KCNQ3: variants seen among roughly 807,000 people sequenced by gnomAD.
KCNQ3 encodes potassium voltage-gated channel subfamily Q member 3.
KCNQ3 carries 30 observed loss-of-function variants against 92.5 expected under a neutral mutation model. The observed-to-expected ratio is 0.32, with a 90% CI of 0.24 to 0.44. The LOEUF is 0.44. Ranked by LOEUF, KCNQ3 falls within the 20% of genes least tolerant of loss-of-function variation. KCNQ3 has a pLI of 1.00. For synonymous variants in KCNQ3, 450 were observed against 468.8 expected (o/e 0.96, Z 0.52); for missense variants, 913 against 1,140.3 (o/e 0.80, Z 2.87).
At chr8:132,171,259 G>C (rs931607696) in intron 7 of KCNQ3, among the ~76,000 whole-genome samples, 27 of 152,174 alleles carry the variant, frequency 1.8e-4, no homozygotes, top group Middle Eastern at 3.4e-3. Flanking sequence ...AACTGGGACA[G>C]GCCTAGGAAC....
At chr8:132,442,066 G>A (rs766120014) in intron 1 of KCNQ3, among the ~76,000 whole-genome samples, 4 of 152,114 alleles carry the variant, frequency 2.6e-5, no homozygotes, top group Non-Finnish European at 4.4e-5. Flanking sequence ...CATACACTGC[G>A]GTCTTTCAGA....
At chr8:132,248,674 G>C (rs1208498107) in intron 1 of KCNQ3, among the ~76,000 whole-genome samples, 1 of 152,120 alleles carries the variant, frequency 6.6e-6, no homozygotes, top group African/African-American at 2.4e-5. Context: ...GGTTCACCTG[G>C]GGCTGCACCT....
intron 1 of KCNQ3, among the ~76,000 whole-genome samples, chr8:132,227,257 T>C (rs1451437592): frequency 2.0e-5 from 3 of 152,032 alleles, no homozygotes; most frequent in African/African-American, 7.2e-5. Context: ...AGACGGGGTT[T>C]CACCATGTTG....
At chr8:132,425,567 C>A (rs887444580) in intron 1 of KCNQ3, among the ~76,000 whole-genome samples, 3 of 152,062 alleles carry the variant, frequency 2.0e-5, no homozygotes, top group African/African-American at 7.2e-5. Flanking sequence ...TTTTTTAAAT[C>A]AATGTTATAT....
intron 1 of KCNQ3, among the ~76,000 whole-genome samples, chr8:132,339,480 A>T (rs16904660): frequency 0.011 from 1,744 of 152,312 alleles, 23 homozygotes; most frequent in African/African-American, 0.038. Context: ...TTAAAAAAAA[A>T]CAAAATGCAC....
chr8:132,471,683 A>G (rs1409057879), intron 1 of KCNQ3, among the ~76,000 whole-genome samples: 1 of 152,174 alleles, frequency 6.6e-6, no homozygotes, highest in Non-Finnish European at 1.5e-5. Flanking sequence ...GAGAGAATAG[A>G]GGAAACACCT....
At chr8:132,401,842 C>T (rs1820341986) in intron 1 of KCNQ3, among the ~76,000 whole-genome samples, 1 of 152,210 alleles carries the variant, frequency 6.6e-6, no homozygotes, top group Non-Finnish European at 1.5e-5. Flanking sequence ...ACCAGCACTG[C>T]CCTGACGTGG....
intron 6 of KCNQ3, among the ~76,000 whole-genome samples, chr8:132,173,412 A>C (rs988696406): frequency 3.3e-5 from 5 of 152,200 alleles, no homozygotes; most frequent in African/African-American, 9.6e-5. Flanking sequence ...AGAATGGAAG[A>C]GGAAGTGGGT....
At chr8:132,234,175 A>G (rs1814730169) in intron 1 of KCNQ3, among the ~76,000 whole-genome samples, 2 of 152,172 alleles carry the variant, frequency 1.3e-5, no homozygotes, top group Admixed American at 1.3e-4. Flanking sequence ...CTGTATTTAC[A>G]GATAGGAAAT....
At chr8:132,406,883 G>T (rs1394790284) in intron 1 of KCNQ3, among the ~76,000 whole-genome samples, 1 of 152,174 alleles carries the variant, frequency 6.6e-6, no homozygotes, top group Non-Finnish European at 1.5e-5. Flanking sequence ...GAAGAAAGGG[G>T]CCAAGACAAT....
At chr8:132,234,876 A>T (rs1277926575) in intron 1 of KCNQ3, among the ~76,000 whole-genome samples, 55 of 152,092 alleles carry the variant, frequency 3.6e-4, no homozygotes, top group Non-Finnish European at 1.5e-5. Flanking sequence ...CCCCCATCCA[A>T]TATTCCCTGG....
Position 132,423,947 on chromosome 8 carries a change from C to T in KCNQ3, c.386+56200G>A, listed in dbSNP as rs139947653. ...ATCCTGAGCACAACCAAAACTAGGT[C>T]AAAAAAATTATTTCTGGGATTTAAA... On this transcript the variant is annotated intron_variant, in intron 1 of 14. Transcript: ENST00000388996. 3.3e-5 allele frequency among the ~76,000 whole-genome samples: 5 copies of T among 151,952 alleles called. No homozygotes were observed. In the East Asian group the frequency reaches 9.7e-4, roughly 29 times the overall value.
chr8:132,282,725 C>T (rs1457780), intron 1 of KCNQ3, among the ~76,000 whole-genome samples: 87,892 of 152,098 alleles, frequency 0.58, 26,552 homozygotes, highest in East Asian at 0.78. Context: ...CCCTCCCTTT[C>T]CCTCAGCATC....
At chr8:132,136,118 CAAAAAAAAAAAAA>C (rs67331428) in intron 12 of KCNQ3, among the ~76,000 whole-genome samples, 20 of 40,020 alleles carry the variant, frequency 5.0e-4, no homozygotes, top group Admixed American at 3.6e-3. Flanking sequence ...GACTCCATCT[CAAAAAAAAAAAAA>C]AAAAAAAAAA....
At chr8:132,347,340 T>A (rs1029973039) in intron 1 of KCNQ3, among the ~76,000 whole-genome samples, 3 of 152,194 alleles carry the variant, frequency 2.0e-5, no homozygotes, top group Non-Finnish European at 2.9e-5. Flanking sequence ...ATGGCAATGA[T>A]GACAGTGATG....
chr8:132,455,905 C>T (rs559621544), intron 1 of KCNQ3, among the ~76,000 whole-genome samples: 12 of 152,094 alleles, frequency 7.9e-5, no homozygotes, highest in African/African-American at 2.9e-4. Flanking sequence ...CCAAGCCTGG[C>T]TAATTTTTTT....
chr8:132,408,900 C>T (rs1190773427), intron 1 of KCNQ3, among the ~76,000 whole-genome samples: 1 of 152,106 alleles, frequency 6.6e-6, no homozygotes, highest in Non-Finnish European at 1.5e-5. Flanking sequence ...GGAAGAGGAC[C>T]CTGAGCCTCA....
In KCNQ3 at chr8:132,252,537, A is replaced by G. The variant is rs555058883; in HGVS notation, c.387-66356T>C. Among the ~76,000 whole-genome samples, 5 of 152,324 alleles carry G rather than the reference A, an allele frequency of 3.3e-5. No homozygotes were observed. In the East Asian group the frequency reaches 9.7e-4, roughly 29 times the overall value. On this transcript the variant is annotated intron_variant, in intron 1 of 14. Transcript: ENST00000388996. Reference sequence around the variant, plus strand: ...AGCAGCAAGATATACTGTGAAGAGCAAAAGAACAAAGCTTCCACAGCACGG... The same window carrying G: ...AGCAGCAAGATATACTGTGAAGAGCGAAAGAACAAAGCTTCCACAGCACGG...
intron 1 of KCNQ3, among the ~76,000 whole-genome samples, chr8:132,420,625 G>A (rs6989706): frequency 0.018 from 2,704 of 152,312 alleles, 79 homozygotes; most frequent in African/African-American, 0.061. Context: ...ACAGACTCAC[G>A]GAGGGAAGAA....
Sources: gnomAD v4.1 joint callset for allele counts (sites outside exome capture counted in the v4.1 genomes callset) on GRCh38, gnomAD v4.1.1 for gene constraint, MANE v1.5 for transcripts, NCBI Gene and HGNC (gene_info 2026-07-23, HGNC 2026-07-21) for gene names.